The following FNDC7 variants were observed in gnomAD, a reference collection of about 807,000 sequenced individuals.
The protein encoded by FNDC7 is fibronectin type III domain containing 7.
Under a neutral mutation model 74.2 loss-of-function variants are expected in FNDC7, and 66 were observed. The observed-to-expected ratio is 0.89, with a 90% CI of 0.73 to 1.09. FNDC7 has a LOEUF of 1.09. FNDC7 is among the 50% of genes least tolerant of loss of function. The pLI is 0.00. For missense variants in FNDC7, 829 were observed against 893.4 expected (o/e 0.93, Z 0.92); for synonymous variants, 307 against 330.2 (o/e 0.93, Z 0.76).
At chr1:108,724,553 A>C (rs1044135530) in intron 5 of FNDC7, among the ~76,000 whole-genome samples, 1 of 151,970 alleles carries the variant, frequency 6.6e-6, no homozygotes, top group Non-Finnish European at 1.5e-5. Flanking sequence ...CAGGAGTTCA[A>C]GACTAGCCTG....
Position 108,725,766 on chromosome 1 carries a change from A to C in FNDC7, c.873A>C (p.Gly291=). The part of the protein sequence containing the change: ...MTLKTVACAP[G]RVTIQEDPPG... The stretch of plus-strand genomic sequence containing the variant: ...ATTTCCTAGTTGCTTGTGCACCCGG[A>C]AGAGTGACGATCCAAGAAGATCCCC... Residue 291 remains glycine (G), a synonymous_variant, in exon 6 of 13, where the codon GGA becomes GGC. Coordinates refer to ENST00000370017, the MANE Select transcript of FNDC7 (RefSeq NM_001144937.3). The C allele has an allele frequency of 1.2e-6, 2 of 1,614,060 alleles. No individual in the cohort carries two copies. The highest frequency in any genetic ancestry group is 1.7e-6 in the Non-Finnish European group (2 of 1,179,960).
In FNDC7 at chr1:108,722,350, C is replaced by A. The variant is rs1302720387; in HGVS notation, c.614C>A (p.Ala205Asp). 1.9e-6 allele frequency: 3 copies of A among 1,607,854 alleles called. No homozygotes were observed. The highest frequency in any genetic ancestry group is 2.5e-6 in the Non-Finnish European group (3 of 1,176,640). ...TAAAATGTAGGTCCTCGGGCCCCTG[C>A]CAACATTCAAGTCTCTTTCGATAGT... ...CNQRTSPRAP[A>D]NIQVSFDSGA... The change falls in exon 5 of 13, where the codon GCC (alanine) becomes GAC (aspartate). Residue 205 changes from alanine to aspartate, a missense_variant. Transcript: ENST00000370017.
chr1:108,733,649 C>CA lies in FNDC7; in HGVS notation c.2140+117_2140+118insA, dbSNP rs1160919720. On this transcript the variant is annotated intron_variant, in intron 10 of 12. Transcript: ENST00000370017. ...GGCACAGAGGGTATAAAATTTCTTT[C>CA]TTTTTTTTTTTTTTTTTTTTTGAGA... 5.9e-3 allele frequency: 3,638 copies of CA among 612,996 alleles called. 89 individuals are homozygous for CA. The highest frequency in any genetic ancestry group is 7.2e-3 in the Non-Finnish European group (2,968 of 411,142). 38.0% of individuals were successfully genotyped at this position (612,996 alleles called of 1,614,324 possible). A position where few individuals can be genotyped will look rare whatever the true frequency, so the allele number is the denominator to read the frequency against.
rs754686711 is a variant in FNDC7, at chr1:108,733,580, T to C, written c.2140+48T>C. ...ATCTAAAACTAACCCTGAACTCATA[T>C]CTGTGAATTAAGATGCAATCAAACT... On this transcript the variant is annotated intron_variant, in intron 10 of 12. Transcript: ENST00000370017. The C allele has an allele frequency of 1.6e-5, 25 of 1,568,682 alleles. No homozygotes were observed. In the African/African-American group the frequency reaches 3.1e-4, roughly 20 times the overall value.
intron 4 of FNDC7, among the ~76,000 whole-genome samples, chr1:108,722,123 G>T (rs370413056): frequency 3.2e-4 from 49 of 152,224 alleles, no homozygotes; most frequent in Middle Eastern, 3.4e-3. Flanking sequence ...ATAATATGGG[G>T]TCAAGGTCAC....
rs189633230 is a variant in FNDC7 at position 108,722,570 on chromosome 1, T to C, written c.834T>C (p.Ser278=). 2.0e-5 allele frequency: 33 copies of C among 1,613,826 alleles called. No homozygotes were observed. The East Asian group carries it at 6.9e-4, about 34-fold the overall frequency. ...ATGATGCTGGATCTAGCAAATCATC[T>C]TCAGCAATGACCCTGAAAACTGGTA... The part of the protein sequence containing the change: ...ASNDAGSSKS[S]SAMTLKTVAC... The change falls in exon 5 of 13, where the codon TCT becomes TCC. Residue 278 remains serine (S), a synonymous_variant. Coordinates refer to ENST00000370017, the MANE Select transcript of FNDC7 (RefSeq NM_001144937.3).
At chr1:108,714,644 G>A (rs3006865) in intron 2 of FNDC7, among the ~76,000 whole-genome samples, 74,800 of 132,022 alleles carry the variant, frequency 0.57, 22,643 homozygotes, top group East Asian at 0.8. Context: ...AGTCTCTGTC[G>A]CCCAGGCTGG....
Position 108,719,040 on chromosome 1 carries a change from C to A in FNDC7, c.589C>A (p.Gln197Lys). The A allele has an allele frequency of 6.4e-7, 1 of 1,552,192 alleles. No individual in the cohort carries two copies. The highest frequency in any genetic ancestry group is 8.7e-7 in the Non-Finnish European group (1 of 1,147,086). Residue 197 changes from glutamine to lysine, a missense_variant, in exon 4 of 13, where the codon CAG becomes AAG. Physicochemically the swap from Gln to Lys is moderately conservative, Grantham distance 53. Coordinates refer to ENST00000370017, the MANE Select transcript of FNDC7 (RefSeq NM_001144937.3). ...RIPGDDSTCN[Q>K]RTSPRAPANI... ...CCCTGGGGATGACTCCACCTGCAAT[C>A]AGAGAACAAGTAAGAACTTCTCAGC... is the stretch of plus-strand genomic sequence containing the variant.
At chr1:108,733,608 T>G in intron 10 of FNDC7, 76 bp downstream of exon 10, 1 of 1,469,032 alleles carries the variant, frequency 6.8e-7, no homozygotes, top group East Asian at 2.3e-5. Flanking sequence ...ATCAAACTTA[T>G]TTACTATGTA....
chr1:108,717,713 A>G (rs1661002930), intron 2 of FNDC7, 64 bp from the exon 3 acceptor site: 1 of 1,496,850 alleles, frequency 6.7e-7, no homozygotes, highest in Non-Finnish European at 9.1e-7. Context: ...TGAAGAGTAA[A>G]ATGATGAAAG....
chr1:108,713,321 G>A (rs140680395), intron 1 of FNDC7, 190 bp from the exon 2 acceptor site: 11 of 625,144 alleles, frequency 1.8e-5, no homozygotes, highest in African/African-American at 1.7e-4. Flanking sequence ...ATTCTATTTA[G>A]AGTTGTTTTG....
intron 5 of FNDC7, among the ~76,000 whole-genome samples, chr1:108,723,822 T>C (rs1661147542): frequency 6.6e-6 from 1 of 152,198 alleles, no homozygotes; most frequent in African/African-American, 2.4e-5. Flanking sequence ...TAAGACCAAC[T>C]GGAGTTGCTG....
At chr1:108,727,577 G>C (rs1046997753) in intron 6 of FNDC7, among the ~76,000 whole-genome samples, 3 of 152,074 alleles carry the variant, frequency 2.0e-5, no homozygotes. Context: ...AGTGGGGGGA[G>C]TACAGCAGAA....
Position 108,730,678 on chromosome 1 carries a change from A to G in FNDC7, c.1629A>G (p.Pro543=), listed in dbSNP as rs1182583435. 1 of 1,552,226 alleles carries G rather than the reference A, an allele frequency of 6.4e-7. No homozygotes were observed. Among genetic ancestry groups the G allele is most frequent in the Non-Finnish European group, 8.7e-7 (1 of 1,145,962 alleles). ...PSYSVPLETV[P]CCPTGLTVTQ... is the part of the protein sequence containing the mutation. ...TTTTCTTTTATCCCATTTAAGTGCCATGCTGTCCAACCGGTCTGACAGTAA... is the reference window on the plus strand; with the variant it reads ...TTTTCTTTTATCCCATTTAAGTGCCGTGCTGTCCAACCGGTCTGACAGTAA... Residue 543 remains proline, a synonymous_variant, in exon 9 of 13, where the codon CCA becomes CCG. Coordinates refer to ENST00000370017, the MANE Select transcript of FNDC7 (RefSeq NM_001144937.3).
rs183087209 is a variant in FNDC7 at position 108,732,013 on chromosome 1, C to T, written c.1879+1085C>T. On this transcript the variant is annotated intron_variant, in intron 9 of 12. Coordinates refer to ENST00000370017, the MANE Select transcript of FNDC7 (RefSeq NM_001144937.3). ...AGTTACTAAGGAATCCATTTGATGCCCTTATTGGCACCTAATGTGTGGCTT... is the reference window on the plus strand; with the variant it reads ...AGTTACTAAGGAATCCATTTGATGCTCTTATTGGCACCTAATGTGTGGCTT... 5.9e-4 allele frequency among the ~76,000 whole-genome samples: 89 copies of T among 152,134 alleles called. 1 individual carries two copies. The highest frequency in any genetic ancestry group is 5.8e-3 in the Admixed American group (88 of 15,288).
At chr1:108,737,592 T>C (rs1661546046) in intron 11 of FNDC7, 68 bp downstream of exon 11, 2 of 1,268,742 alleles carry the variant, frequency 1.6e-6, no homozygotes, top group Non-Finnish European at 2.2e-6. Flanking sequence ...GTTAATGAAG[T>C]CAGCTGACTT....
rs891811254 is a variant in FNDC7 at position 108,731,510 on chromosome 1, G to A, written c.1879+582G>A. Among the ~76,000 whole-genome samples the A allele has an allele frequency of 1.2e-4, 19 of 152,300 alleles. No individual in the cohort carries two copies. The East Asian group carries it at 2.3e-3, about 19-fold the overall frequency. ...TCACTGAAGTGGCTGCTTGTAACAC[G>A]GTTTTGATAAAACTCTTGAGGATGC... On this transcript the variant is annotated intron_variant, in intron 9 of 12. Transcript: ENST00000370017.
At position 108,741,783 on chromosome 1, in the gene FNDC7, A is replaced by C. The variant is rs746993747; in HGVS notation, c.2181A>C (p.Arg727Ser). ...SGSTLGMVIY[R>S]GKRNEE ...CCTTACCCTTTTCAGTGATTTATAGAGGGAAGAGAAATGAAGAATGACAAA... is the reference window on the plus strand; with the variant it reads ...CCTTACCCTTTTCAGTGATTTATAGCGGGAAGAGAAATGAAGAATGACAAA... The change falls in exon 12 of 13, where the codon AGA becomes AGC. Residue 727 changes from arginine to serine, a missense_variant. Transcript: ENST00000370017. The C allele has an allele frequency of 2.1e-5, 34 of 1,613,790 alleles. No homozygotes were observed. The highest frequency in any genetic ancestry group is 2.9e-5 in the Non-Finnish European group (34 of 1,179,976).
intron 10 of FNDC7, among the ~76,000 whole-genome samples, chr1:108,735,357 A>C (rs146051824): frequency 7.4e-4 from 113 of 152,254 alleles, no homozygotes; most frequent in African/African-American, 2.4e-3. Context: ...ATTCCAGGAC[A>C]CTGGTCCAAT....
Sources: allele counts gnomAD v4.1 joint callset (sites outside exome capture counted in the v4.1 genomes callset), GRCh38; gene constraint gnomAD v4.1.1; transcripts MANE v1.5; gene names NCBI Gene and HGNC (gene_info 2026-07-23, HGNC 2026-07-21).